Variants in TTF1 observed in about 807,000 individuals in gnomAD.
The protein encoded by TTF1 is transcription termination factor, RNA polymerase I.
Under a neutral mutation model 80.2 loss-of-function variants are expected in TTF1, and 64 were observed. The observed-to-expected ratio is 0.80, with a 90% CI of 0.65 to 0.98. The LOEUF (loss-of-function observed/expected upper bound fraction) is 0.98, where lower values mean the gene tolerates loss of function less well. Ranked by LOEUF, TTF1 falls within the 50% of genes least tolerant of loss-of-function variation. The pLI is 0.00. For synonymous variants in TTF1, 372 were observed against 382.7 expected, an observed-to-expected ratio of 0.97 and a Z score of 0.33; for missense variants, 1,023 against 1,086.2, an observed-to-expected ratio of 0.94 and a Z score of 0.82.
At chr9:132,377,490 GTGT>G (rs1849226060) in intron 10 of TTF1, among the ~76,000 whole-genome samples, 1 of 12,968 alleles carries the variant, frequency 7.7e-5, no homozygotes, top group Non-Finnish European at 3.4e-4. Context: ...TGCATGTGGT[GTGT>G]GTGAGTGCAT....
chr9:132,381,226 C>T (rs2131623406), intron 9 of TTF1, among the ~76,000 whole-genome samples: 2 of 151,040 alleles, frequency 1.3e-5, no homozygotes, highest in South Asian at 4.2e-4. Flanking sequence ...TGGAGTCTGG[C>T]TCTGTGGCCC....
chr9:132,397,032 G>A (rs1031081577), intron 4 of TTF1, among the ~76,000 whole-genome samples: 2 of 151,998 alleles, frequency 1.3e-5, no homozygotes, highest in South Asian at 4.2e-4. Flanking sequence ...ACCGCGCCCG[G>A]CCTAAGAAAG....
At chr9:132,378,625 G>GCA (rs1380300933) in intron 10 of TTF1, among the ~76,000 whole-genome samples, 14 of 138,980 alleles carry the variant, frequency 1.0e-4, no homozygotes, top group African/African-American at 4.1e-4. Flanking sequence ...GTGAGTGCAT[G>GCA]TGGTTGGTGT....
chr9:132,377,859 G>GGT (rs1849252510), intron 10 of TTF1, among the ~76,000 whole-genome samples: 1 of 139,244 alleles, frequency 7.2e-6, no homozygotes. Context: ...GAATGCATGT[G>GGT]GTGTGAGTGC....
intron 5 of TTF1, among the ~76,000 whole-genome samples, chr9:132,394,892 C>CA (rs1303358774): frequency 0.024 from 3,159 of 129,186 alleles, 37 homozygotes; most frequent in African/African-American, 0.034. Context: ...GACCCTGTTC[C>CA]AAAAAAAAAA....
chr9:132,399,287 A>G (rs1383457815), intron 3 of TTF1, among the ~76,000 whole-genome samples: 2 of 151,362 alleles, frequency 1.3e-5, no homozygotes, highest in Non-Finnish European at 2.9e-5. Flanking sequence ...ATGGGATTCT[A>G]TACCACTCTA....
intron 5 of TTF1, among the ~76,000 whole-genome samples, chr9:132,395,890 GGTTT>G (rs1392819213): frequency 6.6e-6 from 1 of 152,134 alleles, no homozygotes; most frequent in East Asian, 1.9e-4. Context: ...GTCTACGTTT[GGTTT>G]GTTTTTAAAT....
At chr9:132,376,578 G>A (rs569355973) in intron 10 of TTF1, among the ~76,000 whole-genome samples, 2 of 151,984 alleles carry the variant, frequency 1.3e-5, no homozygotes, top group African/African-American at 4.8e-5. Flanking sequence ...CTGCAAGCTC[G>A]TTAGTGAAAA....
intron 8 of TTF1, among the ~76,000 whole-genome samples, chr9:132,386,834 T>C (rs1333023889): frequency 6.6e-6 from 1 of 152,202 alleles, no homozygotes; most frequent in Non-Finnish European, 1.5e-5. Context: ...AAAAGACCTC[T>C]TTCCTCTTTC....
chr9:132,401,798 G>A lies in TTF1; in HGVS notation c.1024C>T (p.Gln342Ter). Residue 342 changes from glutamine (Q) to a stop codon, truncating the protein, a stop_gained, in exon 2 of 11, where the codon CAG becomes TAG. Transcript: ENST00000334270. LOFTEE classifies it high-confidence loss of function. ...GGCATGGCCACTGCCTCAAATTCCT[G>A]GTGATTGGACTTTTTCTTTTTTTTC... is the stretch of plus-strand genomic sequence containing the variant. ...SKKKKKKSNH[Q>*]EFEAVAMPES... The A allele has an allele frequency of 1.9e-6, 3 of 1,614,018 alleles. No individual in the cohort carries two copies. The highest frequency in any genetic ancestry group is 2.5e-6 in the Non-Finnish European group (3 of 1,180,018).
intron 8 of TTF1, among the ~76,000 whole-genome samples, chr9:132,387,705 C>G (rs1306777698): frequency 1.3e-5 from 2 of 152,088 alleles, no homozygotes; most frequent in Non-Finnish European, 2.9e-5. Flanking sequence ...TAGGGGGGAC[C>G]CTGCATGGAC....
At position 132,399,086 on chromosome 9, in the gene TTF1, C is replaced by A. The variant is rs138035475; in HGVS notation, c.1592-760G>T. Among the ~76,000 whole-genome samples the A allele has an allele frequency of 3.1e-3, 472 of 151,454 alleles. 3 individuals carry two copies. The highest frequency in any genetic ancestry group is 0.011 in the African/African-American group (450 of 41,258). On this transcript the variant is annotated intron_variant, in intron 3 of 10. Transcript: ENST00000334270. ...TGGTGGCAGGCGCCTGTAGTCCCAG[C>A]TACTTGGGAGGCTGAGGTGGGAGAA...
chr9:132,377,806 G>GGTGT (rs1403470005), intron 10 of TTF1, among the ~76,000 whole-genome samples: 1 of 119,592 alleles, frequency 8.4e-6, no homozygotes, highest in African/African-American at 3.2e-5. Context: ...GTGTGCATGT[G>GGTGT]GTGTGAGTGC....
At position 132,402,545 on chromosome 9, in the gene TTF1, C is replaced by G. The variant is rs185210916; in HGVS notation, c.277G>C (p.Ala93Pro). The G allele has an allele frequency of 1.9e-6, 3 of 1,614,238 alleles. No individual in the cohort carries two copies. Among genetic ancestry groups the G allele is most frequent in the Non-Finnish European group, 2.5e-6 (3 of 1,180,054 alleles). The change falls in exon 2 of 11, where the codon GCT (alanine) becomes CCT (proline). Residue 93 changes from alanine (A) to proline (P), a missense_variant. By Grantham distance (27) the Ala-to-Pro change is conservative. Coordinates refer to ENST00000334270, the MANE Select transcript of TTF1 (RefSeq NM_007344.4). ...CCTGCTTCCTCGTCCACCTCCAAAG[C>G]ACTATATCTTCTCTTTTTTCTCTTT... is the stretch of plus-strand genomic sequence containing the variant. ...LKKRKKRRYS[A>P]LEVDEEAGVT...
chr9:132,378,158 A>C (rs1849273042), intron 10 of TTF1, among the ~76,000 whole-genome samples: 4 of 102,526 alleles, frequency 3.9e-5, no homozygotes, highest in South Asian at 3.2e-4. Context: ...GGTGTGTGTG[A>C]GTGCATGTGG....
chr9:132,395,028 C>T (rs1017607723), intron 5 of TTF1, among the ~76,000 whole-genome samples: 13 of 151,840 alleles, frequency 8.6e-5, no homozygotes, highest in Non-Finnish European at 1.0e-4. Context: ...CCCGTCTCTA[C>T]GAAAAATACA....
intron 10 of TTF1, among the ~76,000 whole-genome samples, chr9:132,377,694 A>T (rs1213829607): frequency 1.4e-3 from 45 of 33,012 alleles, no homozygotes; most frequent in Admixed American, 2.0e-3. Flanking sequence ...ATGTGGTGTG[A>T]GTGCATGTGG....
In TTF1 at chr9:132,400,266, G is replaced by A; in HGVS notation, c.1368-8C>T. 6.2e-7 allele frequency: 1 copy of A among 1,613,284 alleles called. No homozygotes were observed. The highest frequency in any genetic ancestry group is 1.1e-5 in the South Asian group (1 of 91,078). Reference sequence around the variant, plus strand: ...TCATTTGCAGGTTCTAACCTAAGGGGTTAGAAAATTGGGTTGACTAACATT... The same window carrying A: ...TCATTTGCAGGTTCTAACCTAAGGGATTAGAAAATTGGGTTGACTAACATT... On this transcript the variant is annotated splice_polypyrimidine_tract_variant and splice_region_variant and intron_variant, in intron 2 of 10. Coordinates refer to ENST00000334270, the MANE Select transcript of TTF1 (RefSeq NM_007344.4).
chr9:132,383,983 A>C (rs1176293670), intron 9 of TTF1, among the ~76,000 whole-genome samples: 1 of 152,206 alleles, frequency 6.6e-6, no homozygotes, highest in Non-Finnish European at 1.5e-5. Context: ...GTATGTGTGA[A>C]GTTGTTTTGT....
Sources: allele counts gnomAD v4.1 joint callset (sites outside exome capture counted in the v4.1 genomes callset), GRCh38; gene constraint gnomAD v4.1.1; transcripts MANE v1.5; gene names NCBI Gene and HGNC (gene_info 2026-07-23, HGNC 2026-07-21).